The following ERG variants were observed in gnomAD, a reference collection of about 807,000 sequenced individuals.
ERG encodes the protein transcriptional regulator ERG.
A neutral mutation model predicts 55.3 loss-of-function variants in ERG; 9 were observed. That is an observed-to-expected ratio of 0.16 (90% confidence interval 0.10 to 0.28). The LOEUF (loss-of-function observed/expected upper bound fraction) is 0.28. Among genes scored for constraint, ERG ranks in the 10% least tolerant of loss-of-function variants. The pLI, the probability that ERG is intolerant of heterozygous loss-of-function variation, is 1.00. For missense variants in ERG, 434 were observed against 631.6 expected, an observed-to-expected ratio of 0.69 and a Z score of 3.35; for synonymous variants, 223 against 237.3, an observed-to-expected ratio of 0.94 and a Z score of 0.55.
intron 2 of ERG, among the ~76,000 whole-genome samples, chr21:38,435,391 T>G (rs560350005): frequency 1.3e-5 from 2 of 152,206 alleles, no homozygotes; most frequent in Non-Finnish European, 2.9e-5. Flanking sequence ...TCAGAGGCAG[T>G]GGAAAAGCTG....
chr21:38,369,917 T>C, the ERG span, among the ~76,000 whole-genome samples: 1 of 152,186 alleles, frequency 6.6e-6, no homozygotes, highest in African/African-American at 2.4e-5. Context: ...TTGTCCAAGA[T>C]CAGATGGTTG....
chr21:38,403,869 CA>C, intron 3 of ERG, among the ~76,000 whole-genome samples, 160 bp from the exon 4 acceptor site: 1 of 152,312 alleles, frequency 6.6e-6, no homozygotes, highest in South Asian at 2.1e-4. Context: ...GGGGGAAAGA[CA>C]AAAGCTGCCT....
At chr21:38,389,756 C>T (rs537430454) in intron 9 of ERG, among the ~76,000 whole-genome samples, 2 of 152,060 alleles carry the variant, frequency 1.3e-5, no homozygotes, top group South Asian at 4.2e-4. Flanking sequence ...GACTATATCT[C>T]ATTATCCTTG....
chr21:38,485,859 A>T (rs185593431), intron 1 of ERG, among the ~76,000 whole-genome samples: 13 of 152,104 alleles, frequency 8.5e-5, no homozygotes, highest in Admixed American at 8.5e-4. Flanking sequence ...GCCACTTTCC[A>T]TCCTGCAAGC....
At chr21:38,410,203 GCCT>G (rs1184560074) in intron 3 of ERG, among the ~76,000 whole-genome samples, 4 of 152,224 alleles carry the variant, frequency 2.6e-5, no homozygotes, top group African/African-American at 9.6e-5. Context: ...CACAGGGGCA[GCCT>G]CCTCCTTAAG....
At chr21:38,586,663 C>CA (rs2060067361), upstream of ERG, among the ~76,000 whole-genome samples, 1 of 152,044 alleles carries the variant, frequency 6.6e-6, no homozygotes, top group South Asian at 2.1e-4. Flanking sequence ...GGAGGTTCCT[C>CA]AAAAACACAA....
intron 2 of ERG, among the ~76,000 whole-genome samples, chr21:38,537,175 A>G (rs960963847): frequency 6.6e-6 from 1 of 152,194 alleles, no homozygotes; most frequent in Non-Finnish European, 1.5e-5. Flanking sequence ...AAGACCAAAA[A>G]ATAAAAGCTA....
At chr21:38,515,250 A>G (rs1321264964) in intron 2 of ERG, among the ~76,000 whole-genome samples, 1 of 151,982 alleles carries the variant, frequency 6.6e-6, no homozygotes, top group African/African-American at 2.4e-5. Flanking sequence ...AGAGTCAAAA[A>G]CAGACAAGAT....
chr21:38,618,706 A>T (rs2060273026), intron 1 of ERG, among the ~76,000 whole-genome samples: 2 of 152,044 alleles, frequency 1.3e-5, no homozygotes, highest in South Asian at 4.1e-4. Flanking sequence ...TACAACACAG[A>T]CCTCTCAGCA....
At chr21:38,507,108 G>C (rs1162876963) in intron 2 of ERG, among the ~76,000 whole-genome samples, 1 of 152,156 alleles carries the variant, frequency 6.6e-6, no homozygotes, top group Non-Finnish European at 1.5e-5. Flanking sequence ...GCGCCCCTGG[G>C]CTCTGCATTG....
intron 6 of ERG, among the ~76,000 whole-genome samples, chr21:38,393,720 C>A (rs537204518): frequency 1.3e-5 from 2 of 152,180 alleles, no homozygotes; most frequent in African/African-American, 2.4e-5. Context: ...TGATGCGCAA[C>A]GTGAAAGTCA....
chr21:38,528,479 G>A lies in ERG; in HGVS notation c.-41+47183C>T, dbSNP rs1389855845. Among the ~76,000 whole-genome samples the A allele has an allele frequency of 3.1e-4, 7 of 22,742 alleles. 3 individuals carry two copies. The South Asian group carries it at 8.8e-3, about 28-fold the overall frequency. The allele number at this position is 22,742 out of a possible 152,430, so 14.9% of individuals were successfully genotyped here. A position where few individuals can be genotyped will look rare whatever the true frequency, so the allele number is the denominator to read the frequency against. On this transcript the variant is annotated intron_variant, in intron 2 of 8. Coordinates refer to the ERG transcript ENST00000398897. ...TTTTTTTTTTTTGAGACGGAGTCTCGCTCTGTCGCCCAGGCTGGAGTGCAG... is the reference window on the plus strand; with the variant it reads ...TTTTTTTTTTTTGAGACGGAGTCTCACTCTGTCGCCCAGGCTGGAGTGCAG...
chr21:38,395,919 C>T (rs1174354668), intron 6 of ERG, among the ~76,000 whole-genome samples: 2 of 152,210 alleles, frequency 1.3e-5, no homozygotes, highest in Admixed American at 1.3e-4. Flanking sequence ...TCTTGCCCCA[C>T]ACACCCCACA....
intron 1 of ERG, among the ~76,000 whole-genome samples, chr21:38,614,398 G>A (rs1321834695): frequency 3.3e-5 from 5 of 152,104 alleles, no homozygotes; most frequent in Admixed American, 3.3e-4. Flanking sequence ...AGGGAGTTGT[G>A]GCCTAGGAGA....
At chr21:38,410,580 C>T (rs1989000344) in intron 3 of ERG, among the ~76,000 whole-genome samples, 1 of 152,068 alleles carries the variant, frequency 6.6e-6, no homozygotes, top group East Asian at 1.9e-4. Context: ...GGGGTATAAG[C>T]AGTGGGAGGG....
upstream of ERG, among the ~76,000 whole-genome samples, chr21:38,589,402 C>T (rs893182645): frequency 7.9e-5 from 12 of 152,316 alleles, no homozygotes; most frequent in Admixed American, 5.2e-4. Flanking sequence ...GGCTGCCCTT[C>T]CTCCCTTATG....
intron 1 of ERG, among the ~76,000 whole-genome samples, chr21:38,473,351 C>T (rs1240975201): frequency 3.3e-5 from 5 of 151,892 alleles, no homozygotes; most frequent in Non-Finnish European, 7.4e-5. Flanking sequence ...TCTTGTCCAG[C>T]TTTTCATTGC....
At chr21:38,514,235 A>T (rs2059535588) in intron 2 of ERG, among the ~76,000 whole-genome samples, 1 of 151,814 alleles carries the variant, frequency 6.6e-6, no homozygotes, top group Non-Finnish European at 1.5e-5. Flanking sequence ...TAAAAAAAAA[A>T]GGATGCCACT....
chr21:38,573,253 T>C (rs2059970907), intron 2 of ERG, among the ~76,000 whole-genome samples: 1 of 152,212 alleles, frequency 6.6e-6, no homozygotes, highest in Admixed American at 6.5e-5. Context: ...GTCTGAAATA[T>C]GGCCTCGTGG....
Sources: allele counts gnomAD v4.1 joint callset (sites outside exome capture counted in the v4.1 genomes callset), GRCh38; gene constraint gnomAD v4.1.1; transcripts MANE v1.5; gene names NCBI Gene and HGNC (gene_info 2026-07-23, HGNC 2026-07-21).